The following LRMDA variants were observed in gnomAD, a reference collection of about 807,000 sequenced individuals.
LRMDA encodes the protein leucine-rich melanocyte differentiation-associated protein.
A neutral mutation model predicts 29.8 loss-of-function variants in LRMDA; 18 were observed. The ratio of observed to expected loss-of-function variants is 0.60; its 90% CI spans 0.42 to 0.90. The LOEUF is 0.90. LRMDA is among the 40% of genes least tolerant of loss of function. The pLI, the probability that LRMDA is intolerant of heterozygous loss-of-function variation, is 0.00. For missense variants in LRMDA, 273 were observed against 273.9 expected, an observed-to-expected ratio of 1.00 and a Z score of 0.02; for synonymous variants, 125 against 109.4, an observed-to-expected ratio of 1.14 and a Z score of -0.89.
At chr10:76,512,615 T>C (rs1455768932) in intron 6 of LRMDA, among the ~76,000 whole-genome samples, 2 of 152,148 alleles carry the variant, frequency 1.3e-5, no homozygotes, top group Non-Finnish European at 2.9e-5. Flanking sequence ...GCTAAAATGA[T>C]AAAATTTTTA....
intron 5 of LRMDA, among the ~76,000 whole-genome samples, chr10:76,272,920 A>G (rs1840086152): frequency 6.6e-6 from 1 of 152,186 alleles, no homozygotes; most frequent in Non-Finnish European, 1.5e-5. Context: ...AGCATGGAGG[A>G]AACTGCCCCC....
chr10:75,858,318 A>G (rs1440264010), intron 2 of LRMDA, among the ~76,000 whole-genome samples: 2 of 152,154 alleles, frequency 1.3e-5, no homozygotes, highest in African/African-American at 4.8e-5. Context: ...AAGCTAAAAT[A>G]TATCCATATG....
In LRMDA at chr10:76,227,769, G is replaced by A. The variant is rs535289107; in HGVS notation, c.517-96632G>A. ...AGGGAGACAGGTTGGTTTTAATATC[G>A]CATCAGTATGTACAGTATTTTTTAT... On this transcript the variant is annotated intron_variant, in intron 5 of 6. Coordinates refer to ENST00000611255, the MANE Select transcript of LRMDA (RefSeq NM_001305581.2). Among the ~76,000 whole-genome samples the A allele has an allele frequency of 5.9e-5, 9 of 152,172 alleles. 1 individual carries two copies. In the South Asian group the frequency reaches 6.2e-4, roughly 11 times the overall value.
At chr10:75,998,553 T>C (rs772092805) in intron 2 of LRMDA, among the ~76,000 whole-genome samples, 13 of 152,248 alleles carry the variant, frequency 8.5e-5, no homozygotes, top group Non-Finnish European at 1.5e-4. Flanking sequence ...TTATGCACCA[T>C]GTACTGTTGT....
chr10:76,198,035 T>A (rs1233109247), intron 5 of LRMDA, among the ~76,000 whole-genome samples: 1 of 152,188 alleles, frequency 6.6e-6, no homozygotes, highest in East Asian at 1.9e-4. Context: ...CATGAGATCT[T>A]GCAAATCTTT....
chr10:76,525,333 TTC>T (rs1843162998), intron 6 of LRMDA, among the ~76,000 whole-genome samples: 3 of 152,154 alleles, frequency 2.0e-5, no homozygotes, highest in Admixed American at 6.5e-5. Flanking sequence ...GGGAGAAACT[TTC>T]TGTTATGAAA....
intron 2 of LRMDA, among the ~76,000 whole-genome samples, chr10:75,576,158 C>T (rs1352768712): frequency 6.6e-6 from 1 of 152,138 alleles, no homozygotes; most frequent in African/African-American, 2.4e-5. Context: ...CTGAGCCTGA[C>T]CTGGGACACT....
intron 5 of LRMDA, among the ~76,000 whole-genome samples, chr10:76,317,508 A>G (rs1204121369): frequency 6.6e-6 from 1 of 152,214 alleles, no homozygotes; most frequent in African/African-American, 2.4e-5. Context: ...GTAAATTATA[A>G]GAAGTAATTA....
At chr10:75,831,879 C>T (rs1328472481) in intron 2 of LRMDA, among the ~76,000 whole-genome samples, 1 of 152,226 alleles carries the variant, frequency 6.6e-6, no homozygotes, top group Non-Finnish European at 1.5e-5. Context: ...TGTACCTTGA[C>T]CACTTTTAGT....
rs527741632 is a variant in LRMDA, at chr10:75,808,596, G to A, written c.132-227412G>A. On this transcript the variant is annotated intron_variant, in intron 2 of 6. Transcript: ENST00000611255. ...GTGATCTCAGTTCACTGTAACTTCC[G>A]ACTCCTTGGTTCAAGTAATTCTCCT... 9.9e-5 allele frequency among the ~76,000 whole-genome samples: 15 copies of A among 152,208 alleles called. No homozygotes were observed. In the South Asian group the frequency reaches 3.1e-3, roughly 32 times the overall value.
At chr10:76,340,220 T>C (rs565576090) in intron 6 of LRMDA, among the ~76,000 whole-genome samples, 2 of 152,060 alleles carry the variant, frequency 1.3e-5, no homozygotes, top group South Asian at 4.2e-4. Flanking sequence ...TTACTAGTTA[T>C]AAAAAGAGAG....
chr10:75,812,108 A>ATTTTTTTTTTTTTTT (rs67846089), intron 2 of LRMDA, among the ~76,000 whole-genome samples: 2 of 46,284 alleles, frequency 4.3e-5, no homozygotes, highest in African/African-American at 2.4e-4. Flanking sequence ...TTTAATTGTG[A>ATTTTTTTTTTTTTTT]TTTTTTTTTT....
intron 2 of LRMDA, among the ~76,000 whole-genome samples, chr10:75,656,081 TTG>T (rs949097182): frequency 6.6e-6 from 1 of 152,248 alleles, no homozygotes; most frequent in Non-Finnish European, 1.5e-5. Context: ...TATTTTTAGT[TTG>T]TGTTTTAATT....
intron 6 of LRMDA, among the ~76,000 whole-genome samples, chr10:76,538,997 C>T (rs1213491004): frequency 2.0e-5 from 3 of 151,102 alleles, no homozygotes; most frequent in African/African-American, 4.9e-5. Flanking sequence ...GGTGTTTCTC[C>T]ATTTACTTAT....
At chr10:75,866,109 G>A (rs1050934239) in intron 2 of LRMDA, among the ~76,000 whole-genome samples, 9 of 152,182 alleles carry the variant, frequency 5.9e-5, no homozygotes, top group East Asian at 5.8e-4. Context: ...CCTCCTCATC[G>A]TGCTGGCAGC....
At chr10:75,480,627 T>C (rs1039869764) in intron 2 of LRMDA, among the ~76,000 whole-genome samples, 1 of 152,238 alleles carries the variant, frequency 6.6e-6, no homozygotes, top group African/African-American at 2.4e-5. Flanking sequence ...AAACCATTTG[T>C]TAAGGCATCT....
At chr10:76,034,460 G>A (rs1307250506) in intron 2 of LRMDA, among the ~76,000 whole-genome samples, 1 of 152,200 alleles carries the variant, frequency 6.6e-6, no homozygotes, top group Non-Finnish European at 1.5e-5. Flanking sequence ...GGTTGGAGGA[G>A]CAGGCGTGCT....
intron 5 of LRMDA, among the ~76,000 whole-genome samples, chr10:76,297,736 T>C (rs994156045): frequency 4.6e-5 from 7 of 152,190 alleles, no homozygotes; most frequent in African/African-American, 1.7e-4. Flanking sequence ...GAAGTCATTA[T>C]CACCATTGCC....
At chr10:76,097,909 T>C (rs1362628803) in intron 5 of LRMDA, among the ~76,000 whole-genome samples, 1 of 152,164 alleles carries the variant, frequency 6.6e-6, no homozygotes, top group African/African-American at 2.4e-5. Context: ...ATATAATGTA[T>C]AGTGATCAGA....
Sources: allele counts gnomAD v4.1 joint callset (sites outside exome capture counted in the v4.1 genomes callset), GRCh38; gene constraint gnomAD v4.1.1; transcripts MANE v1.5; gene names NCBI Gene and HGNC (gene_info 2026-07-23, HGNC 2026-07-21).